DRC8: variants seen among roughly 807,000 people sequenced by gnomAD.
The protein encoded by DRC8 is dynein regulatory complex protein 8.
chr1:245,108,081 C>T, the DRC8 span, among the ~76,000 whole-genome samples: 6 of 152,124 alleles, frequency 3.9e-5, no homozygotes, highest in African/African-American at 1.4e-4. Flanking sequence ...AAGTCCACCC[C>T]GTCTTTTCAA....
chr1:245,056,875 T>C, the DRC8 span, among the ~76,000 whole-genome samples: 1 of 132,616 alleles, frequency 7.5e-6, no homozygotes, highest in Non-Finnish European at 1.5e-5. Context: ...AGATGGAGGT[T>C]GCAGTGAGCC....
At chr1:245,073,713 A>T in the DRC8 span, among the ~76,000 whole-genome samples, 25 of 152,326 alleles carry the variant, frequency 1.6e-4, no homozygotes, top group East Asian at 4.1e-3. Flanking sequence ...ACATGTATAT[A>T]TAATACATAC....
At chr1:245,081,626 G>A in the DRC8 span, among the ~76,000 whole-genome samples, 2 of 151,826 alleles carry the variant, frequency 1.3e-5, no homozygotes, top group Non-Finnish European at 2.9e-5. Context: ...GCGCCACTAC[G>A]CCCATATAAT....
chr1:245,017,683 A>G, the DRC8 span, among the ~76,000 whole-genome samples: 1 of 152,184 alleles, frequency 6.6e-6, no homozygotes, highest in Non-Finnish European at 1.5e-5. Flanking sequence ...AAACACATAA[A>G]TATGTATTAT....
At chr1:244,980,480 C>T in the DRC8 span, among the ~76,000 whole-genome samples, 1 of 152,122 alleles carries the variant, frequency 6.6e-6, no homozygotes, top group South Asian at 2.1e-4. Context: ...AGGTTTGGGA[C>T]TCCAGGTTTG....
chr1:245,033,177 G>T, the DRC8 span, among the ~76,000 whole-genome samples: 2 of 152,178 alleles, frequency 1.3e-5, no homozygotes, highest in African/African-American at 4.8e-5. Context: ...CAACCCAACT[G>T]GACCTGGTGA....
the DRC8 span, among the ~76,000 whole-genome samples, chr1:245,036,060 C>CT: frequency 0.36 from 55,274 of 151,900 alleles, 10,394 homozygotes; most frequent in African/African-American, 0.47. Context: ...AAATTAAAAA[C>CT]TTTGTGCTTC....
At chr1:245,086,518 GATAAA>G in the DRC8 span, among the ~76,000 whole-genome samples, 6 of 152,196 alleles carry the variant, frequency 3.9e-5, no homozygotes, top group Non-Finnish European at 8.8e-5. Flanking sequence ...GATGTCATAT[GATAAA>G]ATAAATCACA....
the DRC8 span, among the ~76,000 whole-genome samples, chr1:245,115,646 C>G: frequency 2.6e-5 from 4 of 152,226 alleles, no homozygotes; most frequent in Non-Finnish European, 5.9e-5. Context: ...GCTCAAAGAA[C>G]CATCGTGCAC....
At chr1:245,025,884 G>A in the DRC8 span, among the ~76,000 whole-genome samples, 40 of 152,164 alleles carry the variant, frequency 2.6e-4, no homozygotes, top group Admixed American at 7.2e-4. Flanking sequence ...TGTAAGATGT[G>A]CCTCTGCTCC....
the DRC8 span, among the ~76,000 whole-genome samples, chr1:244,994,858 A>G: frequency 2.6e-5 from 4 of 152,214 alleles, no homozygotes; most frequent in Non-Finnish European, 5.9e-5. Context: ...CTGAAGTCTT[A>G]AGAAAGGACT....
At chr1:245,036,334 A>G in the DRC8 span, among the ~76,000 whole-genome samples, 1 of 152,350 alleles carries the variant, frequency 6.6e-6, no homozygotes, top group East Asian at 1.9e-4. Flanking sequence ...GTGAAATACT[A>G]CTTTAGATCC....
chr1:245,105,677 A>G, the DRC8 span, among the ~76,000 whole-genome samples: 2 of 151,990 alleles, frequency 1.3e-5, no homozygotes, highest in Middle Eastern at 6.8e-3. Flanking sequence ...ATATTCTGCC[A>G]TCAACTATTC....
At chr1:245,056,291 A>C in the DRC8 span, among the ~76,000 whole-genome samples, 1 of 151,896 alleles carries the variant, frequency 6.6e-6, no homozygotes, top group Non-Finnish European at 1.5e-5. Context: ...CATACCTTAC[A>C]TTTGCTTAAT....
At chr1:244,970,605 G>GC in the DRC8 span, 1 of 835,708 alleles carries the variant, frequency 1.2e-6, no homozygotes, top group South Asian at 2.0e-5. Flanking sequence ...CAGTCGCCCT[G>GC]CCCCCGTCCC....
chr1:245,023,354 G>A, the DRC8 span, among the ~76,000 whole-genome samples: 10 of 152,170 alleles, frequency 6.6e-5, no homozygotes, highest in Non-Finnish European at 1.2e-4. Context: ...ATAGATATCT[G>A]TTCCAGTCTC....
chr1:245,084,062 GCCCCCCC>G, the DRC8 span, among the ~76,000 whole-genome samples: 1 of 77,930 alleles, frequency 1.3e-5, no homozygotes, highest in African/African-American at 5.0e-5. Flanking sequence ...TAAAAATTCC[GCCCCCCC>G]CCCGGCGCCC....
At chr1:245,052,668 G>A in the DRC8 span, among the ~76,000 whole-genome samples, 1 of 152,216 alleles carries the variant, frequency 6.6e-6, no homozygotes, top group Non-Finnish European at 1.5e-5. Context: ...TGGGCAGGTG[G>A]AGAAGAATAG....
At chr1:245,041,324 G>A in the DRC8 span, among the ~76,000 whole-genome samples, 1 of 152,206 alleles carries the variant, frequency 6.6e-6, no homozygotes, top group Non-Finnish European at 1.5e-5. Flanking sequence ...TGAAAAAGAA[G>A]TTTCTCGGTG....
Sources: gnomAD v4.1 joint callset for allele counts (sites outside exome capture counted in the v4.1 genomes callset) on GRCh38, gnomAD v4.1.1 for gene constraint, MANE v1.5 for transcripts, NCBI Gene and HGNC (gene_info 2026-07-23, HGNC 2026-07-21) for gene names.